The following FOXN3 variants were observed in gnomAD, a reference collection of about 807,000 sequenced individuals.
FOXN3 encodes the protein forkhead box N3, also known as forkhead box protein N3.
In FOXN3, 7 loss-of-function variants were observed where a neutral mutation model predicts 38.4. That is an observed-to-expected ratio of 0.18 (90% CI 0.10 to 0.34). The LOEUF (loss-of-function observed/expected upper bound fraction) is 0.34, where lower values mean the gene tolerates loss of function less well. FOXN3 is among the 10% of genes least tolerant of loss of function. The pLI is 1.00. For missense variants in FOXN3, 456 were observed against 613.4 expected (o/e 0.74, Z 2.71); for synonymous variants, 230 against 242.2 (o/e 0.95, Z 0.47).
rs191700948 is a variant in FOXN3 at position 89,480,599 on chromosome 14, C to A, written c.-14-68109G>T. 5.3e-5 allele frequency among the ~76,000 whole-genome samples: 8 copies of A among 152,118 alleles called. No homozygotes were observed. In the East Asian group the frequency reaches 1.4e-3, roughly 26 times the overall value. ...TTCATTCAGAGGGAAAAAAAAAAGA[C>A]CTCATAAATGTCATTTCATATTCCA... is the stretch of plus-strand genomic sequence containing the variant. On this transcript the variant is annotated intron_variant, in intron 1 of 6. Coordinates refer to the FOXN3 transcript ENST00000345097.
At chr14:89,269,289 G>A (rs1886074164) in intron 4 of FOXN3, among the ~76,000 whole-genome samples, 2 of 152,134 alleles carry the variant, frequency 1.3e-5, no homozygotes, top group Admixed American at 6.6e-5. Context: ...GAGAAGTTCA[G>A]CACAAGCCCT....
chr14:89,272,823 A>G (rs1174044350), intron 4 of FOXN3, among the ~76,000 whole-genome samples: 2 of 152,256 alleles, frequency 1.3e-5, no homozygotes, highest in Non-Finnish European at 2.9e-5. Context: ...ACTACACTCC[A>G]GCCTGGGCAA....
chr14:89,397,286 G>A (rs1342389994), intron 2 of FOXN3, among the ~76,000 whole-genome samples: 1 of 152,042 alleles, frequency 6.6e-6, no homozygotes, highest in African/African-American at 2.4e-5. Context: ...GCCTATTGGA[G>A]GGTGGAGGGT....
intron 3 of FOXN3, among the ~76,000 whole-genome samples, chr14:89,309,334 G>C (rs1887465433): frequency 6.6e-6 from 1 of 152,122 alleles, no homozygotes; most frequent in Admixed American, 6.5e-5. Context: ...ATTGGGGTTA[G>C]GGGAGGTGTG....
chr14:89,348,839 T>C (rs1888857898), intron 3 of FOXN3, among the ~76,000 whole-genome samples: 1 of 152,172 alleles, frequency 6.6e-6, no homozygotes, highest in South Asian at 2.1e-4. Context: ...CTCGCCTGAA[T>C]ATGCATTCCT....
At chr14:89,337,614 C>T (rs1888500504) in intron 3 of FOXN3, among the ~76,000 whole-genome samples, 1 of 149,144 alleles carries the variant, frequency 6.7e-6, no homozygotes, top group African/African-American at 2.4e-5. Flanking sequence ...ACCGTCAGCA[C>T]ATTTGCATTC....
At chr14:89,193,817 G>C (rs1888027719) in intron 4 of FOXN3, among the ~76,000 whole-genome samples, 1 of 152,198 alleles carries the variant, frequency 6.6e-6, no homozygotes, top group Admixed American at 6.5e-5. Flanking sequence ...CCACGTAGGA[G>C]AGTTCCAGTT....
At chr14:89,508,238 T>C (rs4900000) in intron 1 of FOXN3, among the ~76,000 whole-genome samples, 42,615 of 152,162 alleles carry the variant, frequency 0.28, 6,485 homozygotes, top group Non-Finnish European at 0.34. Flanking sequence ...ATTTGGCCTA[T>C]AGGTGAATCA....
intron 3 of FOXN3, among the ~76,000 whole-genome samples, chr14:89,318,133 CT>C (rs1445823073): frequency 6.8e-6 from 1 of 147,218 alleles, no homozygotes; most frequent in Non-Finnish European, 1.5e-5. Context: ...CCTTCCCTCC[CT>C]TTTTCTTTTC....
intron 1 of FOXN3, among the ~76,000 whole-genome samples, chr14:89,423,576 G>T (rs1256588064): frequency 6.6e-6 from 1 of 151,654 alleles, no homozygotes; most frequent in Admixed American, 6.6e-5. Context: ...AACTCAATGA[G>T]AAAAAAATTA....
At chr14:89,575,094 C>T (rs1435857149) in intron 1 of FOXN3, among the ~76,000 whole-genome samples, 2 of 152,206 alleles carry the variant, frequency 1.3e-5, no homozygotes, top group South Asian at 2.1e-4. Context: ...TCTATACTGA[C>T]TCTGATGAAA....
chr14:89,302,750 G>A (rs1887254952), intron 3 of FOXN3, among the ~76,000 whole-genome samples: 1 of 152,200 alleles, frequency 6.6e-6, no homozygotes, highest in South Asian at 2.1e-4. Context: ...AATCGGGTCT[G>A]AGAAGGTATG....
intron 5 of FOXN3, among the ~76,000 whole-genome samples, chr14:89,177,602 C>T (rs1031633448): frequency 3.9e-5 from 6 of 152,106 alleles, no homozygotes; most frequent in African/African-American, 1.2e-4. Flanking sequence ...TGTGAGGCTC[C>T]GCCACCAGGG....
At position 89,240,408 on chromosome 14, in the gene FOXN3, G is replaced by A. The variant is rs114039552; in HGVS notation, c.745+40542C>T. Reference sequence around the variant, plus strand: ...CTTTTAACCAATAGTGAAGACATGTGTGCAAAGATACATGCAGGAGTATTC... The same window carrying A: ...CTTTTAACCAATAGTGAAGACATGTATGCAAAGATACATGCAGGAGTATTC... On this transcript the variant is annotated intron_variant, in intron 4 of 5. Coordinates refer to ENST00000557258, the MANE Select transcript of FOXN3 (RefSeq NM_005197.4). Among the ~76,000 whole-genome samples, 730 of 152,306 alleles carry A rather than the reference G, an allele frequency of 4.8e-3. 9 individuals carry two copies. Among genetic ancestry groups the A allele is most frequent in the African/African-American group, 0.017 (696 of 41,554 alleles).
At chr14:89,309,363 G>A (rs546178624) in intron 3 of FOXN3, among the ~76,000 whole-genome samples, 41 of 152,150 alleles carry the variant, frequency 2.7e-4, no homozygotes, top group Non-Finnish European at 4.9e-4. Flanking sequence ...CTCACCCACA[G>A]TCACTCACTG....
chr14:89,460,753 G>T (rs779204152), intron 1 of FOXN3, among the ~76,000 whole-genome samples: 1 of 152,110 alleles, frequency 6.6e-6, no homozygotes, highest in East Asian at 1.9e-4. Flanking sequence ...GACAAATGCC[G>T]GGCGCGGTGA....
At chr14:89,244,032 G>C (rs977660991) in intron 4 of FOXN3, among the ~76,000 whole-genome samples, 1 of 152,170 alleles carries the variant, frequency 6.6e-6, no homozygotes, top group Admixed American at 6.5e-5. Flanking sequence ...CTTTGCAGAG[G>C]AAACAGCTAC....
chr14:89,352,944 G>A (rs914612297), intron 2 of FOXN3, among the ~76,000 whole-genome samples: 2 of 152,172 alleles, frequency 1.3e-5, no homozygotes, highest in African/African-American at 2.4e-5. Context: ...AGCGGAGATC[G>A]CACCATTTGC....
chr14:89,276,942 T>C (rs893564001), intron 4 of FOXN3, among the ~76,000 whole-genome samples: 3 of 152,182 alleles, frequency 2.0e-5, no homozygotes, highest in African/African-American at 7.2e-5. Context: ...GAGGTGCCTA[T>C]GTCATTTTGG....
Sources: gnomAD v4.1 joint callset for allele counts (sites outside exome capture counted in the v4.1 genomes callset) on GRCh38, gnomAD v4.1.1 for gene constraint, MANE v1.5 for transcripts, NCBI Gene and HGNC (gene_info 2026-07-23, HGNC 2026-07-21) for gene names.